Variants in SLCO1A2 observed in about 807,000 individuals in gnomAD.
SLCO1A2 encodes the protein OATP-1.
Under a neutral mutation model 69.0 loss-of-function variants are expected in SLCO1A2, and 67 were observed. That is an observed-to-expected ratio of 0.97 (90% confidence interval 0.80 to 1.19). The LOEUF is 1.19. SLCO1A2 is among the 50% of genes most tolerant of loss of function. The pLI is 0.00. For synonymous variants in SLCO1A2, 260 were observed against 265.9 expected, an observed-to-expected ratio of 0.98 and a Z score of 0.22; for missense variants, 787 against 793.7, an observed-to-expected ratio of 0.99 and a Z score of 0.10.
chr12:21,407,487 G>A (rs1941839722), intron 1 of SLCO1A2, among the ~76,000 whole-genome samples: 1 of 152,152 alleles, frequency 6.6e-6, no homozygotes, highest in Non-Finnish European at 1.5e-5. Flanking sequence ...AAAATTACTT[G>A]ATCAAATTTG....
exon 1 of SLCO1A2, chr12:21,395,262 G>T (rs12816889): frequency 0.14 from 21,179 of 152,466 alleles, 1,628 homozygotes; most frequent in Non-Finnish European, 0.17. Context: ...AAGGGGTGAC[G>T]GACGCACCTG....
intron 4 of SLCO1A2, among the ~76,000 whole-genome samples, chr12:21,312,234 T>G (rs1231442124): frequency 6.6e-6 from 1 of 152,228 alleles, no homozygotes; most frequent in African/African-American, 2.4e-5. Context: ...CTTGCACTTT[T>G]ATGTTATAAA....
chr12:21,324,510 G>A (rs1165042510), intron 2 of SLCO1A2: 1 of 152,112 alleles, frequency 6.6e-6, no homozygotes, highest in Non-Finnish European at 1.5e-5. Context: ...AATAATCAGT[G>A]TCTCCAATTG....
intron 1 of SLCO1A2, among the ~76,000 whole-genome samples, chr12:21,416,292 T>A (rs1941986456): frequency 6.6e-6 from 1 of 151,780 alleles, no homozygotes. Flanking sequence ...GACTTCATTT[T>A]CTGTCAGTCA....
chr12:21,299,859 T>C, intron 8 of SLCO1A2, among the ~76,000 whole-genome samples: 1 of 127,638 alleles, frequency 7.8e-6, no homozygotes, highest in Admixed American at 8.8e-5. Context: ...TACGTGTATA[T>C]ATATATACGT....
intron 1 of SLCO1A2, among the ~76,000 whole-genome samples, chr12:21,390,945 G>C (rs1273213844): frequency 6.6e-6 from 1 of 152,154 alleles, no homozygotes; most frequent in African/African-American, 2.4e-5. Flanking sequence ...CTGCCTCTGA[G>C]TAGCTGTATT....
chr12:21,294,260 A>G (rs1464538363), intron 10 of SLCO1A2, 150 bp from the exon 11 acceptor site: 2 of 577,930 alleles, frequency 3.5e-6, no homozygotes, highest in Non-Finnish European at 5.8e-6. Flanking sequence ...TGTTTACTAT[A>G]GCTTTGGTAT....
chr12:21,279,439 C>A (rs1944422075), intron 12 of SLCO1A2, among the ~76,000 whole-genome samples: 1 of 152,090 alleles, frequency 6.6e-6, no homozygotes, highest in Non-Finnish European at 1.5e-5. Flanking sequence ...TATAAATAAA[C>A]AATTCTAAAA....
chr12:21,388,737 A>T (rs990234788), intron 1 of SLCO1A2, among the ~76,000 whole-genome samples: 1 of 152,202 alleles, frequency 6.6e-6, no homozygotes, highest in African/African-American at 2.4e-5. Context: ...ATGAAATATT[A>T]AAAAATATTA....
At chr12:21,346,935 A>T (rs1377757729) in intron 2 of SLCO1A2, among the ~76,000 whole-genome samples, 1 of 152,082 alleles carries the variant, frequency 6.6e-6, no homozygotes, top group Non-Finnish European at 1.5e-5. Flanking sequence ...GCTCTTAGTA[A>T]CATGACTGAG....
chr12:21,408,797 C>T (rs888857609), intron 1 of SLCO1A2, among the ~76,000 whole-genome samples: 3 of 151,944 alleles, frequency 2.0e-5, no homozygotes, highest in Non-Finnish European at 4.4e-5. Flanking sequence ...AGAATAGTCA[C>T]GGCAAAAAGT....
chr12:21,301,945 A>T (rs1019640627), intron 6 of SLCO1A2, among the ~76,000 whole-genome samples: 2 of 152,118 alleles, frequency 1.3e-5, no homozygotes, highest in Non-Finnish European at 1.5e-5. Flanking sequence ...AGCTTCTTCA[A>T]CTTTCTTCCT....
At chr12:21,411,252 A>C (rs1266315217) in intron 1 of SLCO1A2, among the ~76,000 whole-genome samples, 3 of 152,178 alleles carry the variant, frequency 2.0e-5, no homozygotes, top group Non-Finnish European at 4.4e-5. Context: ...GATGTTTGGA[A>C]ATTTTTTTTG....
chr12:21,299,763 TACGTGTGTATATATATATATATATATAC>T (rs1286786353), intron 8 of SLCO1A2, among the ~76,000 whole-genome samples: 5 of 128,264 alleles, frequency 3.9e-5, no homozygotes, highest in Non-Finnish European at 7.7e-5. Context: ...ACCATATATA[TACGTGTGTATATATATATATATATATAC>T]ACACACACGT....
intron 11 of SLCO1A2, among the ~76,000 whole-genome samples, chr12:21,293,379 A>T (rs190736638): frequency 6.6e-6 from 1 of 152,282 alleles, no homozygotes; most frequent in Admixed American, 6.5e-5. Flanking sequence ...ACATGTTTCC[A>T]GGTCTTAATA....
At chr12:21,363,041 G>A (rs148840671) in intron 2 of SLCO1A2, among the ~76,000 whole-genome samples, 44 of 152,182 alleles carry the variant, frequency 2.9e-4, no homozygotes, top group African/African-American at 7.5e-4. Context: ...TGCACCAAGC[G>A]GACCTAATAG....
chr12:21,392,871 C>A (rs186169479), intron 1 of SLCO1A2, among the ~76,000 whole-genome samples: 83 of 152,264 alleles, frequency 5.5e-4, no homozygotes, highest in African/African-American at 1.9e-3. Flanking sequence ...GAAAAGCCAA[C>A]CTCTCTGAAA....
chr12:21,283,630 C>A (rs983892192), intron 12 of SLCO1A2, among the ~76,000 whole-genome samples: 3 of 151,852 alleles, frequency 2.0e-5, no homozygotes, highest in Admixed American at 6.6e-5. Flanking sequence ...GATGAAGAGA[C>A]AACTCACAGA....
intron 2 of SLCO1A2, among the ~76,000 whole-genome samples, chr12:21,344,893 G>C (rs1437203498): frequency 6.6e-6 from 1 of 151,778 alleles, no homozygotes; most frequent in Admixed American, 6.6e-5. Flanking sequence ...ATAACTAATT[G>C]CAATATTGCT....
Sources: allele counts gnomAD v4.1 joint callset (sites outside exome capture counted in the v4.1 genomes callset), GRCh38; gene constraint gnomAD v4.1.1; transcripts MANE v1.5; gene names NCBI Gene and HGNC (gene_info 2026-07-23, HGNC 2026-07-21).